The following SGO1 variants were observed in gnomAD, a reference collection of about 807,000 sequenced individuals.
SGO1 encodes shugoshin 1, also known as serologically defined breast cancer antigen NY-BR-85.
SGO1 carries 39 observed loss-of-function variants against 50.5 expected under a neutral mutation model. That is an observed-to-expected ratio of 0.77 (90% CI 0.60 to 1.01). The LOEUF (loss-of-function observed/expected upper bound fraction) is 1.01, where lower values mean the gene tolerates loss of function less well. SGO1 is among the 50% of genes least tolerant of loss of function. SGO1 has a pLI of 0.00. For missense variants in SGO1, 638 were observed against 606.0 expected (o/e 1.05, Z -0.55); for synonymous variants, 191 against 205.1 (o/e 0.93, Z 0.59).
At chr3:20,161,335 A>G in intron 8 of SGO1, 1 of 1,385,960 alleles carries the variant, frequency 7.2e-7, no homozygotes, top group Non-Finnish European at 9.4e-7. Context: ...CTCACAATAA[A>G]AAATTAGAAA....
chr3:20,163,435 G>A (rs1042310212), intron 8 of SGO1, among the ~76,000 whole-genome samples: 2 of 152,084 alleles, frequency 1.3e-5, no homozygotes, highest in Admixed American at 6.6e-5. Context: ...GAAAAACTGG[G>A]TTCATCAAAT....
intron 3 of SGO1, among the ~76,000 whole-genome samples, chr3:20,181,072 G>C (rs1010319483): frequency 2.6e-5 from 4 of 152,106 alleles, no homozygotes; most frequent in Admixed American, 2.6e-4. Context: ...GGCTGAGTGT[G>C]CTTGAGCCTG....
intron 4 of SGO1, 133 bp downstream of exon 4, chr3:20,178,138 A>C (rs1017082599): frequency 1.5e-5 from 10 of 645,826 alleles, no homozygotes; most frequent in African/African-American, 3.6e-5. Flanking sequence ...ATTCTCTTAA[A>C]TATATTCTCA....
At chr3:20,172,082 T>C (rs577521660) in intron 6 of SGO1, among the ~76,000 whole-genome samples, 1 of 152,388 alleles carries the variant, frequency 6.6e-6, no homozygotes, top group East Asian at 1.9e-4. Flanking sequence ...CACATAAATA[T>C]ACTGTACTGT....
chr3:20,169,861 C>T lies in SGO1; in HGVS notation c.*843G>A. ...AAATATAACAGTGGTATAAGGAATT[C>T]ATAAACAACTTAGGGTGTACCCTAC... On this transcript the variant is annotated 3_prime_UTR_variant, in exon 8 of 8. Transcript: ENST00000412997. 2 of 980,992 alleles carry T rather than the reference C, an allele frequency of 2.0e-6. No individual in the cohort carries two copies. The highest frequency in any genetic ancestry group is 3.5e-5 in the African/African-American group (2 of 57,204). The allele number at this position is 980,992 out of a possible 1,614,324, so 60.8% of individuals were successfully genotyped here. A position where few individuals can be genotyped will look rare whatever the true frequency, so the allele number is the denominator to read the frequency against.
intron 3 of SGO1, among the ~76,000 whole-genome samples, chr3:20,180,247 C>T (rs1311312109): frequency 6.6e-6 from 1 of 152,084 alleles, no homozygotes; most frequent in African/African-American, 2.4e-5. Context: ...TGATATGCCA[C>T]TGCACTTCAG....
At chr3:20,167,708 A>G (rs1051863213), downstream of SGO1, among the ~76,000 whole-genome samples, 4 of 152,220 alleles carry the variant, frequency 2.6e-5, no homozygotes, top group African/African-American at 2.4e-5. Context: ...AGAAACTGCT[A>G]TTAGGAGAGT....
intron 3 of SGO1, among the ~76,000 whole-genome samples, chr3:20,182,091 A>G (rs1273770990): frequency 6.6e-6 from 1 of 152,142 alleles, no homozygotes; most frequent in Non-Finnish European, 1.5e-5. Context: ...TCAAGAAAAA[A>G]AAAAGAAAAA....
downstream of SGO1, among the ~76,000 whole-genome samples, chr3:20,168,427 CTTTT>C (rs112112060): frequency 4.4e-5 from 6 of 135,054 alleles, no homozygotes; most frequent in Non-Finnish European, 6.5e-5. Context: ...CAAATGTTTG[CTTTT>C]TTTTTTTTTT....
At chr3:20,184,620 A>T (rs1210198478) in intron 1 of SGO1, among the ~76,000 whole-genome samples, 1 of 152,244 alleles carries the variant, frequency 6.6e-6, no homozygotes, top group Non-Finnish European at 1.5e-5. Flanking sequence ...GTAGCACTAC[A>T]TACAATTTTA....
intron 3 of SGO1, among the ~76,000 whole-genome samples, chr3:20,179,478 G>A (rs1172559952): frequency 6.6e-6 from 1 of 151,916 alleles, no homozygotes; most frequent in African/African-American, 2.4e-5. Context: ...AAGCTGAAGT[G>A]TAGTGGTGCT....
intron 6 of SGO1, among the ~76,000 whole-genome samples, chr3:20,171,894 A>G (rs1700784860): frequency 6.6e-6 from 1 of 152,226 alleles, no homozygotes. Context: ...AGTTACACCT[A>G]TATTGGGAGG....
At chr3:20,167,531 T>A (rs1004501567), downstream of SGO1, among the ~76,000 whole-genome samples, 2 of 152,116 alleles carry the variant, frequency 1.3e-5, no homozygotes, top group African/African-American at 2.4e-5. Flanking sequence ...TAATAATTCA[T>A]AAAGGAAGAA....
intron 3 of SGO1, among the ~76,000 whole-genome samples, chr3:20,181,228 T>C (rs1487514921): frequency 1.3e-5 from 2 of 152,128 alleles, no homozygotes; most frequent in Admixed American, 1.3e-4. Flanking sequence ...AAACTAATAT[T>C]AATGCAGGTA....
chr3:20,178,804 C>A (rs1200362897), intron 3 of SGO1, among the ~76,000 whole-genome samples: 1 of 152,138 alleles, frequency 6.6e-6, no homozygotes, highest in Non-Finnish European at 1.5e-5. Flanking sequence ...AACATAGTCA[C>A]TGAGAACAGT....
chr3:20,169,371 C>G (rs761698156), downstream of SGO1: 160 of 984,588 alleles, frequency 1.6e-4, no homozygotes, highest in Non-Finnish European at 1.7e-4. Flanking sequence ...ACACCCCCCC[C>G]TCAAAAAAGA....
In SGO1 at chr3:20,174,590, C is replaced by A. The variant is rs1701157070; in HGVS notation, c.941G>T (p.Ser314Ile). ...TTGGGGAACAGTTTTTTTATTTTCG[C>A]TTTTATTCTCTTTATATTTTGACAT... Reference protein sequence around the residue: ...KRMSKYKENKSENKKTVPQKK... With the variant: ...KRMSKYKENKIENKKTVPQKK... The change falls in exon 6 of 8, where the codon AGC (serine) becomes ATC (isoleucine). Residue 314 changes from serine (S) to isoleucine (I), a missense_variant. Ser to Ile is a moderately radical substitution (Grantham distance 142). Transcript: ENST00000412997. 1 of 1,601,166 alleles carries A rather than the reference C, an allele frequency of 6.2e-7. No homozygotes were observed. Among genetic ancestry groups the A allele is most frequent in the Admixed American group, 1.7e-5 (1 of 57,388 alleles).
At chr3:20,177,218 G>A (rs1701497824) in intron 4 of SGO1, 1 of 152,166 alleles carries the variant, frequency 6.6e-6, no homozygotes, top group Admixed American at 6.5e-5. Flanking sequence ...TCTCTGTAGA[G>A]AATTTTCTAC....
rs62241674 is a variant in SGO1, at chr3:20,169,840, A to C, written c.*864T>G. Reference sequence around the variant, plus strand: ...ACATATTTTATCTGAAAAATTAAATATAACAGTGGTATAAGGAATTCATAA... The same window carrying C: ...ACATATTTTATCTGAAAAATTAAATCTAACAGTGGTATAAGGAATTCATAA... On this transcript the variant is annotated 3_prime_UTR_variant, in exon 8 of 8. Transcript: ENST00000412997. 3.1e-6 allele frequency: 3 copies of C among 976,374 alleles called. No homozygotes were observed. Among genetic ancestry groups the C allele is most frequent in the African/African-American group, 1.7e-5 (1 of 57,148 alleles). The allele number at this position is 976,374 out of a possible 1,614,324, so 60.5% of individuals were successfully genotyped here.
Sources: gnomAD v4.1 joint callset for allele counts (sites outside exome capture counted in the v4.1 genomes callset) on GRCh38, gnomAD v4.1.1 for gene constraint, MANE v1.5 for transcripts, NCBI Gene and HGNC (gene_info 2026-07-23, HGNC 2026-07-21) for gene names.